Variants in SCN8A observed in about 807,000 individuals in gnomAD.
SCN8A encodes the protein sodium channel protein type 8 subunit alpha.
Under a neutral mutation model 184.1 loss-of-function variants are expected in SCN8A, and 30 were observed. The observed-to-expected ratio is 0.16, with a 90% CI of 0.12 to 0.22. The LOEUF is 0.22. Among genes scored for constraint, SCN8A ranks in the 10% least tolerant of loss-of-function variants. SCN8A has a pLI of 1.00. For missense variants in SCN8A, 1,057 were observed against 2,498.9 expected, an observed-to-expected ratio of 0.42 and a Z score of 12.30; for synonymous variants, 852 against 907.0, an observed-to-expected ratio of 0.94 and a Z score of 1.09.
At chr12:51,732,381 G>A (rs1942257746) in intron 12 of SCN8A, among the ~76,000 whole-genome samples, 1 of 152,168 alleles carries the variant, frequency 6.6e-6, no homozygotes, top group Non-Finnish European at 1.5e-5. Context: ...GTTCACTGTA[G>A]GTGTGTGGAT....
chr12:51,772,533 C>A (rs1317146120), intron 19 of SCN8A, among the ~76,000 whole-genome samples: 1 of 151,992 alleles, frequency 6.6e-6, no homozygotes, highest in Non-Finnish European at 1.5e-5. Flanking sequence ...ATCTCACATA[C>A]CTTGGATTAT....
At chr12:51,703,058 T>G (rs538800912) in intron 9 of SCN8A, 144 bp downstream of exon 9, 1 of 788,550 alleles carries the variant, frequency 1.3e-6, no homozygotes, top group South Asian at 2.7e-5. Flanking sequence ...TTTTTGATAT[T>G]AAGTGAATTC....
chr12:51,760,302 T>G (rs1942742975), intron 14 of SCN8A, among the ~76,000 whole-genome samples: 1 of 152,200 alleles, frequency 6.6e-6, no homozygotes, highest in South Asian at 2.1e-4. Flanking sequence ...CAGCTAATAG[T>G]TATAGGTGTA....
rs1941283092 is a variant in SCN8A at position 51,679,228 on chromosome 12, C to A, written c.277-4946C>A. ...GACCAGCCTGGACAACATAGCAAGA[C>A]CCTGTCTCTACAAAAAATAAAAATA... is the stretch of plus-strand genomic sequence containing the variant. On this transcript the variant is annotated intron_variant, in intron 2 of 26. Transcript: ENST00000627620. Among the ~76,000 whole-genome samples the A allele has an allele frequency of 2.0e-5, 3 of 152,024 alleles. No individual in the cohort carries two copies. The South Asian group carries it at 6.2e-4, about 32-fold the overall frequency.
At chr12:51,639,712 C>T (rs947553458) in intron 1 of SCN8A, among the ~76,000 whole-genome samples, 5 of 151,940 alleles carry the variant, frequency 3.3e-5, no homozygotes, top group African/African-American at 9.7e-5. Flanking sequence ...GAAATTGCCA[C>T]AGCCATCCCA....
At position 51,741,946 on chromosome 12, in the gene SCN8A, C is replaced by T. The variant is rs572865159; in HGVS notation, c.1999-3957C>T. ...CTCAAACTTCTGACCTCAGGTGATC[C>T]GCCCACCTCGACCTCCTAGAGTGCT... On this transcript the variant is annotated intron_variant, in intron 12 of 26. Coordinates refer to ENST00000627620, the MANE Select transcript of SCN8A (RefSeq NM_001330260.2). 1.5e-4 allele frequency among the ~76,000 whole-genome samples: 23 copies of T among 152,218 alleles called. 1 individual carries two copies. Among genetic ancestry groups the T allele is most frequent in the African/African-American group, 4.8e-4 (20 of 41,538 alleles).
chr12:51,621,524 T>C (rs1340435840), intron 1 of SCN8A, among the ~76,000 whole-genome samples: 1 of 152,238 alleles, frequency 6.6e-6, no homozygotes, highest in Non-Finnish European at 1.5e-5. Flanking sequence ...TCTGATGTCT[T>C]AGGCAGAGCC....
chr12:51,620,482 C>A (rs1018699635), intron 1 of SCN8A, among the ~76,000 whole-genome samples: 2 of 151,852 alleles, frequency 1.3e-5, no homozygotes, highest in African/African-American at 4.8e-5. Context: ...TTAATTTTTT[C>A]TTTATATAAC....
At chr12:51,780,923 C>G (rs1937898388) in intron 21 of SCN8A, among the ~76,000 whole-genome samples, 152 bp downstream of exon 21, 1 of 152,124 alleles carries the variant, frequency 6.6e-6, no homozygotes, top group Non-Finnish European at 1.5e-5. Flanking sequence ...ACACCTGCCC[C>G]GTGCAAAGGG....
In SCN8A at chr12:51,806,009, G is replaced by T. The variant is rs1014952776; in HGVS notation, c.4796-273G>T. Among the ~76,000 whole-genome samples the T allele has an allele frequency of 1.1e-4, 17 of 152,096 alleles. No homozygotes were observed. Among genetic ancestry groups the T allele is most frequent in the African/African-American group, 3.9e-4 (16 of 41,410 alleles). On this transcript the variant is annotated intron_variant, in intron 26 of 26. Transcript: ENST00000627620. This position sits in a 1 kb window ranked among gnomAD's most constrained non-coding sequence, Gnocchi z 8.7. Reference sequence around the variant, plus strand: ...ATGCCCAGCTAATTTTTTATTTTCAGTAGAGACAGGGTTTCACCATGTTGG... The same window carrying T: ...ATGCCCAGCTAATTTTTTATTTTCATTAGAGACAGGGTTTCACCATGTTGG...
chr12:51,664,139 A>T (rs1940982415), intron 2 of SCN8A, among the ~76,000 whole-genome samples: 1 of 151,930 alleles, frequency 6.6e-6, no homozygotes, highest in Admixed American at 6.6e-5. Context: ...GAACAAAATG[A>T]TATGATGTAA....
At chr12:51,778,984 G>C (rs911214095) in intron 20 of SCN8A, among the ~76,000 whole-genome samples, 1 of 152,072 alleles carries the variant, frequency 6.6e-6, no homozygotes, top group Non-Finnish European at 1.5e-5. Context: ...GGGAGGCCAA[G>C]GCAGGCGAAT....
chr12:51,653,910 G>T (rs1440119998), intron 1 of SCN8A, among the ~76,000 whole-genome samples: 2 of 152,170 alleles, frequency 1.3e-5, no homozygotes, highest in East Asian at 3.8e-4. Flanking sequence ...GTATGAAGTG[G>T]TATCTAATTG....
chr12:51,738,221 A>G (rs2138813811), intron 12 of SCN8A, among the ~76,000 whole-genome samples: 1 of 152,310 alleles, frequency 6.6e-6, no homozygotes, highest in Middle Eastern at 3.4e-3. Context: ...GGGCTATATA[A>G]TTGTTCTGGA....
At chr12:51,640,295 TA>T (rs1940425023) in intron 1 of SCN8A, among the ~76,000 whole-genome samples, 1 of 133,840 alleles carries the variant, frequency 7.5e-6, no homozygotes, top group African/African-American at 2.7e-5. Flanking sequence ...CAGCATAGCA[TA>T]AACATAACTT....
chr12:51,802,229 A>T (rs371737643), intron 26 of SCN8A, among the ~76,000 whole-genome samples: 95 of 152,124 alleles, frequency 6.2e-4, no homozygotes, highest in Middle Eastern at 3.4e-3. Context: ...TTCAGGGGAG[A>T]CCACTGTTGC....
chr12:51,762,138 TA>T (rs1942772117), intron 14 of SCN8A, among the ~76,000 whole-genome samples: 1 of 152,218 alleles, frequency 6.6e-6, no homozygotes, highest in Non-Finnish European at 1.5e-5. Flanking sequence ...GTGATTTTTT[TA>T]AGCAAACATC....
At chr12:51,592,280 C>G (rs537627217) in intron 1 of SCN8A, among the ~76,000 whole-genome samples, 4 of 151,950 alleles carry the variant, frequency 2.6e-5, no homozygotes, top group Admixed American at 6.6e-5. Flanking sequence ...TCCATCCCCT[C>G]CATTGCCAGC....
At chr12:51,721,990 G>T (rs749734642) in intron 12 of SCN8A, 82 bp downstream of exon 12, 5 of 1,595,066 alleles carry the variant, frequency 3.1e-6, no homozygotes, top group African/African-American at 1.3e-5. Context: ...AGTCTCCCCC[G>T]CTCCTTCCCC....
Sources: allele counts gnomAD v4.1 joint callset (sites outside exome capture counted in the v4.1 genomes callset), GRCh38; gene constraint gnomAD v4.1.1; non-coding constraint Gnocchi (gnomAD v3.1); transcripts MANE v1.5; gene names NCBI Gene and HGNC (gene_info 2026-07-23, HGNC 2026-07-21).